Variants in DPP4 observed in about 807,000 individuals in gnomAD.
DPP4 encodes dipeptidyl peptidase 4, also known as ADCP-2.
A neutral mutation model predicts 122.4 loss-of-function variants in DPP4; 93 were observed. The ratio of observed to expected loss-of-function variants is 0.76; its 90% confidence interval spans 0.64 to 0.90. The LOEUF is 0.90. Among genes scored for constraint, DPP4 ranks in the 40% least tolerant of loss-of-function variants. The probability of loss-of-function intolerance (pLI) is 0.00; values close to 1 mark genes in which losing one functional copy is unlikely to be tolerated. For missense variants in DPP4, 914 were observed against 907.3 expected (o/e 1.01, Z -0.09); for synonymous variants, 321 against 302.9 (o/e 1.06, Z -0.62).
chr2:162,030,772 A>G (rs1341892675), intron 10 of DPP4, among the ~76,000 whole-genome samples: 1 of 152,236 alleles, frequency 6.6e-6, no homozygotes, highest in Non-Finnish European at 1.5e-5. Context: ...GACCAGAGCT[A>G]TATTTTAAAC....
intron 10 of DPP4, among the ~76,000 whole-genome samples, chr2:162,029,437 C>A (rs1403262149): frequency 6.6e-6 from 1 of 152,204 alleles, no homozygotes; most frequent in Non-Finnish European, 1.5e-5. Context: ...GGGATGCCAA[C>A]CCTCCCAGGT....
At chr2:162,037,960 G>T (rs73971538) in intron 8 of DPP4, among the ~76,000 whole-genome samples, 1 of 151,930 alleles carries the variant, frequency 6.6e-6, no homozygotes, top group African/African-American at 2.4e-5. Flanking sequence ...AGTAACTTTC[G>T]GGTTAGGTAG....
At chr2:162,019,823 CAGTT>C (rs1171557042) in intron 14 of DPP4, among the ~76,000 whole-genome samples, 4 of 152,190 alleles carry the variant, frequency 2.6e-5, no homozygotes, top group Non-Finnish European at 5.9e-5. Flanking sequence ...TCATATATGG[CAGTT>C]AGCCTCTGCA....
intron 2 of DPP4, among the ~76,000 whole-genome samples, chr2:162,063,238 G>A (rs1465862256): frequency 6.6e-6 from 1 of 152,126 alleles, no homozygotes; most frequent in African/African-American, 2.4e-5. Flanking sequence ...TGTACTAAGG[G>A]AAGACAAAGA....
At chr2:162,023,152 A>C (rs1327313013) in intron 11 of DPP4, among the ~76,000 whole-genome samples, 1 of 152,092 alleles carries the variant, frequency 6.6e-6, no homozygotes, top group African/African-American at 2.4e-5. Flanking sequence ...CCTGGGGGTC[A>C]TTCTAGATTC....
chr2:162,020,984 A>G (rs887583489), intron 12 of DPP4, among the ~76,000 whole-genome samples: 7 of 152,244 alleles, frequency 4.6e-5, no homozygotes, highest in Non-Finnish European at 2.9e-5. Context: ...TCTATGGATG[A>G]TAACTATGAC....
At chr2:162,010,523 G>A (rs1325238656) in intron 20 of DPP4, among the ~76,000 whole-genome samples, 1 of 152,042 alleles carries the variant, frequency 6.6e-6, no homozygotes, top group Non-Finnish European at 1.5e-5. Context: ...CTGTATAAAC[G>A]CACTATTTCT....
chr2:162,007,686 A>C (rs1701317536), intron 22 of DPP4, among the ~76,000 whole-genome samples: 1 of 152,172 alleles, frequency 6.6e-6, no homozygotes, highest in Non-Finnish European at 1.5e-5. Context: ...AACAATTAAT[A>C]TCAAGCAGAA....
intron 10 of DPP4, among the ~76,000 whole-genome samples, chr2:162,026,041 G>A (rs977615504): frequency 2.6e-5 from 4 of 152,114 alleles, no homozygotes; most frequent in African/African-American, 7.2e-5. Context: ...ACAGAAGAAA[G>A]CAAAGCCCTC....
chr2:162,024,546 C>A, intron 11 of DPP4, among the ~76,000 whole-genome samples: 1 of 152,294 alleles, frequency 6.6e-6, no homozygotes, highest in Admixed American at 6.5e-5. Flanking sequence ...TGGTCAGTCA[C>A]CCCCTCTCCA....
At chr2:162,016,143 T>A (rs1682916901) in intron 18 of DPP4, among the ~76,000 whole-genome samples, 1 of 152,126 alleles carries the variant, frequency 6.6e-6, no homozygotes. Flanking sequence ...AATGAATCAA[T>A]CCTAATATAA....
chr2:162,033,889 T>TATATATATATATATATATAG (rs1302435212), intron 9 of DPP4, among the ~76,000 whole-genome samples: 13 of 142,458 alleles, frequency 9.1e-5, no homozygotes, highest in African/African-American at 3.5e-4. Flanking sequence ...TATATATATA[T>TATATATATATATATATATAG]ATATACACAC....
At position 162,054,422 on chromosome 2, in the gene DPP4, G is replaced by A. The variant is rs536076403; in HGVS notation, c.95-6921C>T. Among the ~76,000 whole-genome samples, 3 of 152,292 alleles carry A rather than the reference G, an allele frequency of 2.0e-5. No individual in the cohort carries two copies. In the East Asian group the frequency reaches 5.8e-4, roughly 29 times the overall value. On this transcript the variant is annotated intron_variant, in intron 2 of 25. Coordinates refer to ENST00000360534, the MANE Select transcript of DPP4 (RefSeq NM_001935.4). ...AAAGTTAAGATTTGGGGGGCTATTAGGATGGAATGAATGCATTTTGCGTAC... is the reference window on the plus strand; with the variant it reads ...AAAGTTAAGATTTGGGGGGCTATTAAGATGGAATGAATGCATTTTGCGTAC...
intron 2 of DPP4, among the ~76,000 whole-genome samples, chr2:162,062,232 A>C (rs988341878): frequency 1.3e-5 from 2 of 152,200 alleles, no homozygotes; most frequent in African/African-American, 4.8e-5. Flanking sequence ...CAGTGAGCTG[A>C]GACTGCATCG....
In DPP4 at chr2:162,073,481, C is replaced by G; in HGVS notation, c.12G>C (p.Pro4=). 2 of 1,613,852 alleles carry G rather than the reference C, an allele frequency of 1.2e-6. No homozygotes were observed. Among genetic ancestry groups the G allele is most frequent in the Non-Finnish European group, 1.7e-6 (2 of 1,180,012 alleles). Residue 4 remains proline, a synonymous_variant, in exon 2 of 26, where the codon CCG becomes CCC. Coordinates refer to ENST00000360534, the MANE Select transcript of DPP4 (RefSeq NM_001935.4). The stretch of plus-strand genomic sequence containing the variant: ...CCAGCAGTCCCAGAAGAACCTTCCA[C>G]GGTGTCTGCAAGCCGAGCAGATCAA... MKT[P]WKVLLGLLGA...
At chr2:162,065,713 T>G (rs1684923995) in intron 2 of DPP4, among the ~76,000 whole-genome samples, 1 of 152,220 alleles carries the variant, frequency 6.6e-6, no homozygotes, top group South Asian at 2.1e-4. Flanking sequence ...CATTAATTAT[T>G]AATGCTTTAT....
intron 5 of DPP4, among the ~76,000 whole-genome samples, chr2:162,044,429 G>GGTGAGTGTTGGTGTGTGAGCGTTGGTGT (rs1360891753): frequency 1.3e-5 from 2 of 148,830 alleles, no homozygotes; most frequent in Non-Finnish European, 3.0e-5. Flanking sequence ...AGTGTTGGTG[G>GGTGAGTGTTGGTGTGTGAGCGTTGGTGT]GTGAGTGTTG....
intron 25 of DPP4, 112 bp from the exon 26 acceptor site, chr2:161,993,496 G>T: frequency 1.4e-6 from 1 of 712,776 alleles, no homozygotes; most frequent in Non-Finnish European, 2.3e-6. Flanking sequence ...AAAACAGAGT[G>T]TTTTAATTCC....
chr2:162,004,040 C>A (rs1398265945), intron 23 of DPP4, among the ~76,000 whole-genome samples: 1 of 151,892 alleles, frequency 6.6e-6, no homozygotes, highest in Non-Finnish European at 1.5e-5. Context: ...TGACATTCCA[C>A]GTGGAAGGAG....
Sources: allele counts gnomAD v4.1 joint callset (sites outside exome capture counted in the v4.1 genomes callset), GRCh38; gene constraint gnomAD v4.1.1; transcripts MANE v1.5; gene names NCBI Gene and HGNC (gene_info 2026-07-23, HGNC 2026-07-21).